TACC2: variants seen among roughly 807,000 people sequenced by gnomAD.
TACC2 encodes the protein transforming acidic coiled-coil-containing protein 2.
Under a neutral mutation model 227.3 loss-of-function variants are expected in TACC2, and 137 were observed. That is an observed-to-expected ratio of 0.60 (90% CI 0.52 to 0.69). TACC2 has a LOEUF of 0.69. Among genes scored for constraint, TACC2 ranks in the 30% least tolerant of loss-of-function variants. The pLI is 0.00. For missense variants in TACC2, 3,470 were observed against 3,694.4 expected (o/e 0.94, Z 1.57); for synonymous variants, 1,523 against 1,487.5 (o/e 1.02, Z -0.55).
Position 122,070,490 on chromosome 10 carries a change from G to A in TACC2, c.147-12157G>A, listed in dbSNP as rs115095221. Among the ~76,000 whole-genome samples the A allele has an allele frequency of 1.0e-2, 1,521 of 152,134 alleles. 28 individuals are homozygous for A. The highest frequency in any genetic ancestry group is 0.035 in the African/African-American group (1,457 of 41,498). On this transcript the variant is annotated intron_variant, in intron 3 of 22. Transcript: ENST00000369005. ...CAGGTTTGGGTCAGGCGCGGTGGCT[G>A]ATGCCTGTAATCCCAGCATTTTGGA... is the stretch of plus-strand genomic sequence containing the variant.
chr10:122,198,752 G>A (rs1357406796), intron 8 of TACC2, among the ~76,000 whole-genome samples: 2 of 152,236 alleles, frequency 1.3e-5, no homozygotes, highest in East Asian at 3.8e-4. Flanking sequence ...TGCTCTCTGC[G>A]CAGGTACAGT....
chr10:122,084,528 A>T lies in TACC2; in HGVS notation c.2028A>T (p.Gly676=), dbSNP rs1420821296. The stretch of plus-strand genomic sequence containing the variant: ...CCGTCCTGCCCCCTGTGCCAGATGG[A>T]GCTGGTGAGCCCACTGTTCCCGAAG... ...EDPVLPPVPD[G]AGEPTVPEGA... Residue 676 remains glycine (G), a synonymous_variant, in exon 4 of 23, where the codon GGA becomes GGT. Transcript: ENST00000369005. 1 of 1,613,594 alleles carries T rather than the reference A, an allele frequency of 6.2e-7. No individual in the cohort carries two copies. The highest frequency in any genetic ancestry group is 8.5e-7 in the Non-Finnish European group (1 of 1,180,004).
At chr10:121,990,547 G>C (rs938193700) in intron 1 of TACC2, among the ~76,000 whole-genome samples, 1 of 149,806 alleles carries the variant, frequency 6.7e-6, no homozygotes, top group African/African-American at 2.5e-5. Context: ...TTCTGCCCAA[G>C]TACGTTCCCA....
chr10:122,204,926 T>TG (rs940407652), intron 8 of TACC2, among the ~76,000 whole-genome samples: 3 of 151,954 alleles, frequency 2.0e-5, no homozygotes, highest in African/African-American at 7.3e-5. Flanking sequence ...CACAGCACAG[T>TG]GGGGCTGTCA....
chr10:122,229,262 G>A lies in TACC2; in HGVS notation c.7897-84G>A, dbSNP rs1035159277. 4 of 1,529,052 alleles carry A rather than the reference G, an allele frequency of 2.6e-6. 1 individual carries two copies. In the East Asian group the frequency reaches 6.8e-5, roughly 26 times the overall value. The allele number at this position is 1,529,052 out of a possible 1,614,324, so 94.7% of individuals were successfully genotyped here. ...TCAAGGCAAAAATGTCCAGCAAATG[G>A]CTGCATGGCCCTTGCTTGGAATCAA... is the stretch of plus-strand genomic sequence containing the variant. On this transcript the variant is annotated intron_variant, in intron 14 of 22. Transcript: ENST00000369005.
chr10:122,088,846 T>G, intron 5 of TACC2: 2 of 1,206,858 alleles, frequency 1.7e-6, no homozygotes, highest in Non-Finnish European at 2.3e-6. Flanking sequence ...TCAGTCTGGG[T>G]GCGGTGGCTC....
chr10:122,242,910 A>G lies in TACC2; in HGVS notation c.8392+909A>G, dbSNP rs115276947. On this transcript the variant is annotated intron_variant, in intron 19 of 22. Transcript: ENST00000369005. The stretch of plus-strand genomic sequence containing the variant: ...TGGTTGCCCAATGTCCTGGGATTAC[A>G]AGGCGTGAGCTACCATGCCCAGCCC... Among the ~76,000 whole-genome samples, 895 of 152,248 alleles carry G rather than the reference A, an allele frequency of 5.9e-3. 12 individuals carry two copies. The highest frequency in any genetic ancestry group is 0.02 in the African/African-American group (848 of 41,548).
rs1388697091 is a variant in TACC2, at chr10:122,201,756, C to T, written c.5971+6580C>T. On this transcript the variant is annotated intron_variant, in intron 8 of 22. Coordinates refer to ENST00000369005, the MANE Select transcript of TACC2 (RefSeq NM_206862.4). ...TCCTCCCGGGAAGACAGGGGTATAA[C>T]CAAGCACCGCAGGTGTTGTCCTGTT... is the stretch of plus-strand genomic sequence containing the variant. 2.0e-5 allele frequency among the ~76,000 whole-genome samples: 3 copies of T among 152,186 alleles called. No individual in the cohort carries two copies. The East Asian group carries it at 5.8e-4, about 29-fold the overall frequency.
intron 7 of TACC2, among the ~76,000 whole-genome samples, chr10:122,187,552 G>A (rs934705493): frequency 6.6e-6 from 1 of 151,844 alleles, no homozygotes; most frequent in Non-Finnish European, 1.5e-5. Flanking sequence ...GTGCAGTGGT[G>A]TGACCTTGGC....
intron 1 of TACC2, among the ~76,000 whole-genome samples, chr10:122,017,031 C>G (rs894781691): frequency 2.6e-5 from 4 of 152,078 alleles, no homozygotes; most frequent in African/African-American, 7.2e-5. Context: ...GACACCAACC[C>G]GGCCAAAACC....
intron 9 of TACC2, among the ~76,000 whole-genome samples, chr10:122,213,847 C>T (rs941205370): frequency 2.7e-4 from 41 of 152,320 alleles, no homozygotes; most frequent in Non-Finnish European, 4.6e-4. Context: ...TTGGGCCGTT[C>T]CAAATTGAGG....
Position 122,229,500 on chromosome 10 carries a change from G to T in TACC2, c.8037+14G>T. ...CAGAAACTCCAGGTTTGTAGCCCAC[G>T]TGTGACCTTTTGGGAGTTTGTCAAA... On this transcript the variant is annotated intron_variant, in intron 15 of 22. Transcript: ENST00000369005. 1.9e-6 allele frequency: 3 copies of T among 1,613,822 alleles called. No individual in the cohort carries two copies. Among genetic ancestry groups the T allele is most frequent in the Non-Finnish European group, 2.5e-6 (3 of 1,179,990 alleles).
At chr10:122,132,821 C>T in intron 6 of TACC2, 87 bp downstream of exon 6, 2 of 1,416,302 alleles carry the variant, frequency 1.4e-6, no homozygotes, top group Non-Finnish European at 2.0e-6. Flanking sequence ...CTTCCCCTCC[C>T]CTCCTCTCTT....
intron 2 of TACC2, among the ~76,000 whole-genome samples, chr10:122,038,587 G>A (rs1001845492): frequency 3.9e-5 from 6 of 152,142 alleles, no homozygotes; most frequent in African/African-American, 7.2e-5. Flanking sequence ...AAAGACTTCC[G>A]TCGTGGGCGT....
At chr10:122,222,426 A>G (rs1179017879) in intron 11 of TACC2, among the ~76,000 whole-genome samples, 1 of 152,202 alleles carries the variant, frequency 6.6e-6, no homozygotes, top group Non-Finnish European at 1.5e-5. Flanking sequence ...CAGCATCTCC[A>G]GGCGTCTGCC....
At chr10:122,227,210 G>A (rs184004200) in intron 13 of TACC2, among the ~76,000 whole-genome samples, 230 of 152,286 alleles carry the variant, frequency 1.5e-3, no homozygotes, top group Non-Finnish European at 2.6e-3. Flanking sequence ...TTATTGATAT[G>A]GGTGTTCATG....
intron 7 of TACC2, among the ~76,000 whole-genome samples, chr10:122,158,415 AAAAG>A (rs1269995608): frequency 6.6e-6 from 1 of 152,098 alleles, no homozygotes; most frequent in Non-Finnish European, 1.5e-5. Context: ...ACAAAAACAA[AAAAG>A]AAAACCCAAA....
chr10:121,992,032 A>T (rs1342670178), intron 1 of TACC2, among the ~76,000 whole-genome samples: 1 of 152,188 alleles, frequency 6.6e-6, no homozygotes, highest in East Asian at 1.9e-4. Flanking sequence ...TGCCCCCATG[A>T]TTCAATTACC....
In TACC2 at chr10:122,224,736, C is replaced by T. The variant is rs1473981288; in HGVS notation, c.7557C>T (p.Tyr2519=). 1 of 1,613,990 alleles carries T rather than the reference C, an allele frequency of 6.2e-7. No homozygotes were observed. Among genetic ancestry groups the T allele is most frequent in the South Asian group, 1.1e-5 (1 of 91,044 alleles). The change falls in exon 12 of 23, where the codon TAC becomes TAT. Residue 2519 remains tyrosine, a synonymous_variant. Transcript: ENST00000369005. ...TTTTTGTTTTTGCAGAGTTGGATTA[C>T]AGAAACTCCTATGAAATTGAATATA... ...KFSSPTEELD[Y]RNSYEIEYME...
Sources: gnomAD v4.1 joint callset for allele counts (sites outside exome capture counted in the v4.1 genomes callset) on GRCh38, gnomAD v4.1.1 for gene constraint, MANE v1.5 for transcripts, NCBI Gene and HGNC (gene_info 2026-07-23, HGNC 2026-07-21) for gene names.